The following CAMKMT variants were observed in gnomAD, a reference collection of about 807,000 sequenced individuals.
CAMKMT encodes the protein calmodulin-lysine N-methyltransferase.
CAMKMT carries 53 observed loss-of-function variants against 48.0 expected under a neutral mutation model. The observed-to-expected ratio is 1.10, with a 90% CI of 0.89 to 1.39. The LOEUF is 1.39. Ranked by LOEUF, CAMKMT falls within the 40% of genes most tolerant of loss-of-function variation. CAMKMT has a pLI of 0.00. For synonymous variants in CAMKMT, 165 were observed against 152.3 expected, an observed-to-expected ratio of 1.08 and a Z score of -0.61; for missense variants, 428 against 402.7, an observed-to-expected ratio of 1.06 and a Z score of -0.54.
At position 44,384,735 on chromosome 2, in the gene CAMKMT, G is replaced by T. The variant is rs989869696; in HGVS notation, c.312-5506G>T. On this transcript the variant is annotated intron_variant, in intron 2 of 10. Transcript: ENST00000378494. ...TATTCCAGCACCATTTGTTGAAAAG[G>T]GTGTCCTTTCCCCCACTTTTTGTTT... Among the ~76,000 whole-genome samples, 9 of 151,882 alleles carry T rather than the reference G, an allele frequency of 5.9e-5. No homozygotes were observed. The South Asian group carries it at 1.2e-3, about 21-fold the overall frequency.
rs73927167 is a variant in CAMKMT at position 44,618,224 on chromosome 2, T to C, written c.377-86059T>C. Among the ~76,000 whole-genome samples the C allele has an allele frequency of 2.1e-3, 319 of 152,306 alleles. 2 individuals are homozygous for C. The highest frequency in any genetic ancestry group is 7.0e-3 in the African/African-American group (289 of 41,564). On this transcript the variant is annotated intron_variant, in intron 3 of 10. Coordinates refer to ENST00000378494, the MANE Select transcript of CAMKMT (RefSeq NM_024766.5). This position sits in a 1 kb window ranked among gnomAD's most constrained non-coding sequence, Gnocchi z 4.0. ...GTTTTGTTGGGTAGCTCTCAGATTA[T>C]TGAGTGACAAACTTTATTGAATTTG...
rs192764957 is a variant in CAMKMT, at chr2:44,404,461, T to C, written c.376+14156T>C. 7.9e-5 allele frequency among the ~76,000 whole-genome samples: 12 copies of C among 152,260 alleles called. No individual in the cohort carries two copies. The East Asian group carries it at 2.3e-3, about 29-fold the overall frequency. On this transcript the variant is annotated intron_variant, in intron 3 of 10. Coordinates refer to ENST00000378494, the MANE Select transcript of CAMKMT (RefSeq NM_024766.5). ...GATATTTTCCCCTCCAGATATCTTT[T>C]GCTAGGAGAGCACTAAGTTGCTATT...
intron 3 of CAMKMT, among the ~76,000 whole-genome samples, chr2:44,681,730 G>T (rs1676030457): frequency 6.6e-6 from 1 of 152,156 alleles, no homozygotes; most frequent in African/African-American, 2.4e-5. Flanking sequence ...AGCCCTAAAT[G>T]TTGGCCCTTT....
At chr2:44,441,947 C>T (rs537039224) in intron 3 of CAMKMT, among the ~76,000 whole-genome samples, 2 of 152,220 alleles carry the variant, frequency 1.3e-5, no homozygotes, top group South Asian at 4.2e-4. Flanking sequence ...TCAGCACCTG[C>T]GGTATGCAGC....
chr2:44,489,632 A>G (rs1669388860), intron 3 of CAMKMT, among the ~76,000 whole-genome samples: 1 of 152,214 alleles, frequency 6.6e-6, no homozygotes. Context: ...TTGGATTACA[A>G]TTGACAGGAA....
At chr2:44,659,886 A>G (rs1188231108) in intron 3 of CAMKMT, among the ~76,000 whole-genome samples, 1 of 152,136 alleles carries the variant, frequency 6.6e-6, no homozygotes, top group Non-Finnish European at 1.5e-5. Flanking sequence ...CTCTCATCAT[A>G]TTATTATAGA....
At chr2:44,537,056 A>T (rs1300377909) in intron 3 of CAMKMT, among the ~76,000 whole-genome samples, 1 of 152,214 alleles carries the variant, frequency 6.6e-6, no homozygotes, top group Admixed American at 6.5e-5. Context: ...AAACTATGGA[A>T]CTATTAGATG....
chr2:44,385,070 C>T (rs570784347), intron 2 of CAMKMT, among the ~76,000 whole-genome samples: 15 of 152,202 alleles, frequency 9.9e-5, no homozygotes, highest in Middle Eastern at 3.4e-3. Context: ...TTGCTTTTGG[C>T]AGTATGGTCA....
At chr2:44,568,263 C>A (rs1223164912) in intron 3 of CAMKMT, among the ~76,000 whole-genome samples, 1 of 152,194 alleles carries the variant, frequency 6.6e-6, no homozygotes, top group East Asian at 1.9e-4. Context: ...ACCCTACTTT[C>A]ATCAGTGCAT....
At chr2:44,535,132 A>G (rs966252076) in intron 3 of CAMKMT, among the ~76,000 whole-genome samples, 1 of 152,162 alleles carries the variant, frequency 6.6e-6, no homozygotes, top group African/African-American at 2.4e-5. Flanking sequence ...TATTCGAACA[A>G]ACTTTAAAAC....
chr2:44,578,245 T>C (rs1669346584), intron 3 of CAMKMT, among the ~76,000 whole-genome samples: 1 of 152,226 alleles, frequency 6.6e-6, no homozygotes, highest in Non-Finnish European at 1.5e-5. Context: ...TAAAGTACTT[T>C]AACATTTATA....
chr2:44,379,484 C>A (rs959290393), intron 2 of CAMKMT, among the ~76,000 whole-genome samples: 14 of 152,070 alleles, frequency 9.2e-5, no homozygotes, highest in African/African-American at 3.4e-4. Context: ...TGAGGAATAG[C>A]CAACTATTTT....
chr2:44,634,122 G>C (rs34317066), intron 3 of CAMKMT, among the ~76,000 whole-genome samples: 95,816 of 151,868 alleles, frequency 0.63, 30,757 homozygotes, highest in Admixed American at 0.7. Context: ...TGCCTAGCCT[G>C]ATGGAGTCTC....
At chr2:44,609,889 G>A (rs1671504802) in intron 3 of CAMKMT, among the ~76,000 whole-genome samples, 1 of 152,184 alleles carries the variant, frequency 6.6e-6, no homozygotes, top group Non-Finnish European at 1.5e-5. Flanking sequence ...TCTTTCAGAT[G>A]TGCTGGGGTG....
chr2:44,616,901 C>A (rs1278531666), intron 3 of CAMKMT, among the ~76,000 whole-genome samples: 1 of 152,046 alleles, frequency 6.6e-6, no homozygotes, highest in Non-Finnish European at 1.5e-5. Context: ...AAGCACAAAA[C>A]TGAGGAGATA....
chr2:44,403,964 C>A (rs1046448347), intron 3 of CAMKMT, among the ~76,000 whole-genome samples: 9 of 152,100 alleles, frequency 5.9e-5, no homozygotes. Flanking sequence ...TAAAGCTTTT[C>A]CTGACTCTCC....
At chr2:44,395,377 A>G (rs1355844809) in intron 3 of CAMKMT, among the ~76,000 whole-genome samples, 3 of 152,198 alleles carry the variant, frequency 2.0e-5, no homozygotes, top group African/African-American at 7.2e-5. Flanking sequence ...GCAGATATAT[A>G]ATGCATCTAT....
At chr2:44,510,386 A>G (rs113162956) in intron 3 of CAMKMT, among the ~76,000 whole-genome samples, 1,794 of 152,304 alleles carry the variant, frequency 0.012, 38 homozygotes, top group African/African-American at 0.041. Flanking sequence ...CTAGAATATT[A>G]CAGAAGTGAT....
intron 3 of CAMKMT, among the ~76,000 whole-genome samples, chr2:44,681,193 A>G (rs1676001170): frequency 6.6e-6 from 1 of 152,208 alleles, no homozygotes; most frequent in East Asian, 1.9e-4. Flanking sequence ...CTATTTTTAT[A>G]AAGAGAATCA....
Sources: gnomAD v4.1 joint callset for allele counts (sites outside exome capture counted in the v4.1 genomes callset) on GRCh38, gnomAD v4.1.1 for gene constraint, Gnocchi (gnomAD v3.1) non-coding constraint, MANE v1.5 for transcripts, NCBI Gene and HGNC (gene_info 2026-07-23, HGNC 2026-07-21) for gene names.